Variants in VDAC2 observed in about 807,000 individuals in gnomAD.
VDAC2 encodes voltage dependent anion channel 2.
Under a neutral mutation model 36.6 loss-of-function variants are expected in VDAC2, and 6 were observed. The ratio of observed to expected loss-of-function variants is 0.16; its 90% CI spans 0.09 to 0.32. VDAC2 has a LOEUF of 0.32. Among genes scored for constraint, VDAC2 ranks in the 10% least tolerant of loss-of-function variants. VDAC2 has a pLI of 1.00. For missense variants in VDAC2, 247 were observed against 346.0 expected (o/e 0.71, Z 2.27); for synonymous variants, 109 against 123.8 (o/e 0.88, Z 0.79).
chr10:75,226,053 A>T (rs1403757659), intron 8 of VDAC2, among the ~76,000 whole-genome samples: 2 of 152,120 alleles, frequency 1.3e-5, no homozygotes, highest in Non-Finnish European at 2.9e-5. Context: ...TCAGCCTCCC[A>T]AAGTGCTGAG....
At position 75,214,139 on chromosome 10, in the gene VDAC2, T is replaced by C. The variant is rs1841524633; in HGVS notation, c.150+69T>C. 6.7e-6 allele frequency: 10 copies of C among 1,497,208 alleles called. No homozygotes were observed. In the East Asian group the frequency reaches 2.3e-4, roughly 34 times the overall value. 92.7% of individuals were successfully genotyped at this position (1,497,208 alleles called of 1,614,324 possible). ...TTTCAACTTGTAAAATGGTCATAAC[T>C]GAAAGATGTCTACCTGTTTTGTCTT... is the stretch of plus-strand genomic sequence containing the variant. On this transcript the variant is annotated intron_variant, in intron 4 of 9. Transcript: ENST00000332211.
At chr10:75,224,991 C>A (rs1841913649) in intron 8 of VDAC2, among the ~76,000 whole-genome samples, 1 of 152,124 alleles carries the variant, frequency 6.6e-6, no homozygotes, top group Non-Finnish European at 1.5e-5. Context: ...TGTAACGAAA[C>A]TGATTTTTTT....
intron 8 of VDAC2, 25 bp from the exon 9 acceptor site, chr10:75,229,619 C>G (rs775493059): frequency 8.3e-6 from 13 of 1,572,818 alleles, no homozygotes; most frequent in Non-Finnish European, 8.7e-7. Context: ...ATTTTTCTTA[C>G]AGTTGTTTTT....
chr10:75,222,503 C>T (rs1841842632), intron 8 of VDAC2, 101 bp downstream of exon 8: 2 of 1,450,644 alleles, frequency 1.4e-6, no homozygotes, highest in Admixed American at 4.1e-5. Flanking sequence ...TCACACAGTC[C>T]CCAGTTTACA....
chr10:75,217,793 C>A, intron 4 of VDAC2: 1 of 676,816 alleles, frequency 1.5e-6, no homozygotes, highest in Non-Finnish European at 2.1e-6. Context: ...TCTCTAACAG[C>A]AGAGCAATAG....
intron 2 of VDAC2, 55 bp from the exon 3 acceptor site, chr10:75,212,175 G>T: frequency 1.3e-6 from 2 of 1,492,510 alleles, no homozygotes; most frequent in Non-Finnish European, 9.3e-7. Context: ...TCTTGTTCTT[G>T]GATAGAAGGT....
intron 8 of VDAC2, among the ~76,000 whole-genome samples, chr10:75,226,982 C>A (rs1008173815): frequency 2.0e-5 from 3 of 151,812 alleles, no homozygotes; most frequent in African/African-American, 7.3e-5. Flanking sequence ...AATGAAGTCT[C>A]TGTAAAAACC....
chr10:75,216,116 T>G (rs534173470), intron 4 of VDAC2, among the ~76,000 whole-genome samples: 2 of 152,242 alleles, frequency 1.3e-5, no homozygotes, highest in South Asian at 2.1e-4. Context: ...TATGATTGGA[T>G]GACTTATTTG....
At chr10:75,213,749 A>C (rs557497721) in intron 3 of VDAC2, among the ~76,000 whole-genome samples, 2 of 151,446 alleles carry the variant, frequency 1.3e-5, no homozygotes, top group Admixed American at 6.6e-5. Context: ...GTCTCAAAAT[A>C]AATAAATAAA....
intron 4 of VDAC2, among the ~76,000 whole-genome samples, chr10:75,217,345 TA>T (rs1395224917): frequency 6.6e-6 from 1 of 152,184 alleles, no homozygotes; most frequent in African/African-American, 2.4e-5. Flanking sequence ...TCCTAATTTT[TA>T]TATCTAGTGT....
At chr10:75,225,792 G>GTT (rs548410540) in intron 8 of VDAC2, among the ~76,000 whole-genome samples, 1 of 150,964 alleles carries the variant, frequency 6.6e-6, no homozygotes, top group African/African-American at 2.4e-5. Flanking sequence ...GACCGAGTAG[G>GTT]TTTTTTTTGT....
chr10:75,220,501 G>A (rs1434872574), intron 6 of VDAC2, among the ~76,000 whole-genome samples: 2 of 152,134 alleles, frequency 1.3e-5, no homozygotes, highest in Non-Finnish European at 2.9e-5. Context: ...CAACTAATGT[G>A]TTTCTAACAG....
At chr10:75,216,284 CAAAAT>C (rs535048300) in intron 4 of VDAC2, among the ~76,000 whole-genome samples, 92 of 151,950 alleles carry the variant, frequency 6.1e-4, no homozygotes, top group Non-Finnish European at 1.1e-3. Flanking sequence ...GTTGGAGAGA[CAAAAT>C]AAACTGAGAG....
At chr10:75,221,872 A>C (rs1841823006) in intron 7 of VDAC2, among the ~76,000 whole-genome samples, 1 of 152,254 alleles carries the variant, frequency 6.6e-6, no homozygotes, top group Non-Finnish European at 1.5e-5. Context: ...ACAGAAGCAC[A>C]AAGAAGAAAA....
chr10:75,226,174 A>G (rs1237896641), intron 8 of VDAC2, among the ~76,000 whole-genome samples: 1 of 152,114 alleles, frequency 6.6e-6, no homozygotes, highest in Non-Finnish European at 1.5e-5. Flanking sequence ...TCTTGTAGAT[A>G]TGTCTGTTAT....
chr10:75,213,563 TG>T (rs1841497204), intron 3 of VDAC2, among the ~76,000 whole-genome samples: 1 of 151,956 alleles, frequency 6.6e-6, no homozygotes, highest in South Asian at 2.1e-4. Context: ...GCTAACACGG[TG>T]AAACCCCATC....
In VDAC2 at chr10:75,211,193, A is replaced by G; in HGVS notation, c.31+4A>G. ...CACGGACAGACTTGCGCGCGTCGTAAGTAAAGCTGGGATCTCTGCGGGATG... is the reference window on the plus strand; with the variant it reads ...CACGGACAGACTTGCGCGCGTCGTAGGTAAAGCTGGGATCTCTGCGGGATG... On this transcript the variant is annotated splice_donor_region_variant and intron_variant, in intron 2 of 9. Coordinates refer to ENST00000332211, the MANE Select transcript of VDAC2 (RefSeq NM_001391963.1). 1 of 1,613,122 alleles carries G rather than the reference A, an allele frequency of 6.2e-7. No homozygotes were observed. The highest frequency in any genetic ancestry group is 2.2e-5 in the East Asian group (1 of 44,788).
At chr10:75,215,604 G>A (rs570600453) in intron 4 of VDAC2, among the ~76,000 whole-genome samples, 70 of 152,142 alleles carry the variant, frequency 4.6e-4, no homozygotes, top group African/African-American at 1.5e-3. Flanking sequence ...TGCCCACCTC[G>A]GGCTCCCAAA....
chr10:75,210,818 G>A lies in VDAC2; in HGVS notation c.-146G>A, dbSNP rs566912283. ...GGGAGAGGACAGGGTTGCGGCGGGC[G>A]GAACGGTGTCTCCTTCACTTCGCCC... On this transcript the variant is annotated 5_prime_UTR_variant, in exon 1 of 10. Transcript: ENST00000332211. 1.2e-3 allele frequency: 307 copies of A among 248,244 alleles called. 3 individuals are homozygous for A. Among genetic ancestry groups the A allele is most frequent in the African/African-American group, 6.2e-3 (275 of 44,628 alleles). The allele number at this position is 248,244 out of a possible 1,614,324, so 15.4% of individuals were successfully genotyped here.
Sources: allele counts gnomAD v4.1 joint callset (sites outside exome capture counted in the v4.1 genomes callset), GRCh38; gene constraint gnomAD v4.1.1; transcripts MANE v1.5; gene names NCBI Gene and HGNC (gene_info 2026-07-23, HGNC 2026-07-21).